The following BRINP3 variants were observed in gnomAD, a reference collection of about 807,000 sequenced individuals.
The protein encoded by BRINP3 is BMP/retinoic acid inducible neural specific 3, also known as BMP/retinoic acid-inducible neural-specific protein 3.
BRINP3 carries 19 observed loss-of-function variants against 71.0 expected under a neutral mutation model. The observed-to-expected ratio is 0.27, with a 90% CI of 0.19 to 0.39. The LOEUF is 0.39. Ranked by LOEUF, BRINP3 falls within the 10% of genes least tolerant of loss-of-function variation. BRINP3 has a pLI of 1.00. For synonymous variants in BRINP3, 380 were observed against 337.7 expected (o/e 1.13, Z -1.37); for missense variants, 959 against 940.8 (o/e 1.02, Z -0.25).
chr1:190,302,079 A>G (rs1664779250), intron 2 of BRINP3, among the ~76,000 whole-genome samples: 1 of 151,262 alleles, frequency 6.6e-6, no homozygotes, highest in African/African-American at 2.4e-5. Flanking sequence ...AACTCCACAG[A>G]TGCACAGCCT....
intron 2 of BRINP3, among the ~76,000 whole-genome samples, chr1:190,320,577 G>A (rs1453780488): frequency 1.3e-5 from 2 of 151,852 alleles, no homozygotes; most frequent in East Asian, 1.9e-4. Flanking sequence ...TTAGGGTGGT[G>A]GGTGGCCAGA....
intron 6 of BRINP3, among the ~76,000 whole-genome samples, chr1:190,169,454 T>C (rs1225683749): frequency 6.6e-6 from 1 of 152,198 alleles, no homozygotes; most frequent in African/African-American, 2.4e-5. Flanking sequence ...GCATAGCATC[T>C]GAGCCAGCAT....
In BRINP3 at chr1:190,264,955, C is replaced by T. The variant is rs141418514; in HGVS notation, c.528G>A (p.Thr176=). 2.0e-5 allele frequency: 33 copies of T among 1,613,376 alleles called. No individual in the cohort carries two copies. The Admixed American group carries it at 2.2e-4, about 11-fold the overall frequency. The stretch of plus-strand genomic sequence containing the variant: ...AATAAGAAGCGGCTAGCTGATGTAG[C>T]GTCTCCAGAGTGACCGAAGAGCTAT... ...TTNSSSVTLE[T]LHQLAASYFI... The change falls in exon 4 of 8, where the codon ACG becomes ACA. Residue 176 remains threonine, a synonymous_variant. Coordinates refer to ENST00000367462, the MANE Select transcript of BRINP3 (RefSeq NM_199051.3).
At chr1:190,131,569 T>A (rs16832069) in intron 7 of BRINP3, among the ~76,000 whole-genome samples, 5,461 of 152,156 alleles carry the variant, frequency 0.036, 326 homozygotes, top group African/African-American at 0.12. Flanking sequence ...GCCCGTCTTC[T>A]GTGAAAAACT....
intron 2 of BRINP3, among the ~76,000 whole-genome samples, chr1:190,437,676 T>C (rs1023424426): frequency 1.3e-5 from 2 of 151,812 alleles, no homozygotes; most frequent in African/African-American, 2.4e-5. Context: ...AAAGTAAATA[T>C]TCAACAATTT....
chr1:190,200,065 C>T (rs1571341471), intron 6 of BRINP3, among the ~76,000 whole-genome samples: 1 of 152,036 alleles, frequency 6.6e-6, no homozygotes, highest in African/African-American at 2.4e-5. Context: ...TTTTCAGAAG[C>T]TTTTCCTTAT....
chr1:190,168,243 G>A (rs913350622), intron 6 of BRINP3, among the ~76,000 whole-genome samples: 1 of 151,974 alleles, frequency 6.6e-6, no homozygotes, highest in Non-Finnish European at 1.5e-5. Context: ...CAAGACATAG[G>A]TCTGGCAACA....
intron 4 of BRINP3, among the ~76,000 whole-genome samples, chr1:190,246,404 G>C (rs1445732907): frequency 3.9e-5 from 1 of 25,752 alleles, no homozygotes. Flanking sequence ...GGGGTCATTC[G>C]GTTATAAAAC....
At chr1:190,431,966 T>C (rs915059923) in intron 2 of BRINP3, among the ~76,000 whole-genome samples, 1 of 152,160 alleles carries the variant, frequency 6.6e-6, no homozygotes, top group Non-Finnish European at 1.5e-5. Context: ...AATGTACATT[T>C]ATTTCACTCC....
intron 7 of BRINP3, among the ~76,000 whole-genome samples, chr1:190,159,777 A>G (rs746195330): frequency 7.2e-5 from 11 of 151,962 alleles, no homozygotes; most frequent in Admixed American, 1.3e-4. Context: ...TGATGGTTGC[A>G]TAGTTTTTTT....
intron 6 of BRINP3, among the ~76,000 whole-genome samples, chr1:190,212,335 C>A (rs1256154738): frequency 6.6e-6 from 1 of 152,012 alleles, no homozygotes; most frequent in Admixed American, 6.6e-5. Flanking sequence ...ACAATGCTTC[C>A]TTCTAGTAAA....
chr1:190,337,900 T>C (rs1667396471), intron 2 of BRINP3, among the ~76,000 whole-genome samples: 1 of 152,076 alleles, frequency 6.6e-6, no homozygotes, highest in African/African-American at 2.4e-5. Flanking sequence ...TTCTGTGTTT[T>C]TTAAACTATG....
chr1:190,280,461 A>AG (rs1422094172), intron 3 of BRINP3, among the ~76,000 whole-genome samples: 1 of 151,790 alleles, frequency 6.6e-6, no homozygotes. Context: ...TGAGTATTGT[A>AG]GGAAAAAAAA....
chr1:190,160,390 T>G (rs1657242182), intron 7 of BRINP3, among the ~76,000 whole-genome samples: 1 of 152,064 alleles, frequency 6.6e-6, no homozygotes, highest in Admixed American at 6.6e-5. Flanking sequence ...AATGCAATTA[T>G]TAGTTGGCTA....
At chr1:190,456,180 C>A (rs1675972121) in intron 1 of BRINP3, among the ~76,000 whole-genome samples, 3 of 152,096 alleles carry the variant, frequency 2.0e-5, no homozygotes, top group Non-Finnish European at 4.4e-5. Context: ...GCTATAACCC[C>A]ATTATTTGTA....
intron 2 of BRINP3, among the ~76,000 whole-genome samples, chr1:190,439,663 A>G (rs767859037): frequency 1.1e-4 from 16 of 151,938 alleles, no homozygotes; most frequent in Non-Finnish European, 1.8e-4. Flanking sequence ...CCTAAACAGT[A>G]AAGCTGAAAC....
At chr1:190,183,343 G>A (rs1008337832) in intron 6 of BRINP3, among the ~76,000 whole-genome samples, 1 of 151,718 alleles carries the variant, frequency 6.6e-6, no homozygotes, top group Non-Finnish European at 1.5e-5. Context: ...ATTAAATTTG[G>A]GAATTTAAAA....
intron 2 of BRINP3, among the ~76,000 whole-genome samples, chr1:190,366,290 G>A (rs1669495447): frequency 6.6e-6 from 1 of 152,046 alleles, no homozygotes; most frequent in Admixed American, 6.6e-5. Flanking sequence ...TTCACAAGGT[G>A]GCAGCAAAGA....
intron 4 of BRINP3, among the ~76,000 whole-genome samples, chr1:190,241,153 A>T (rs1014182710): frequency 6.6e-6 from 1 of 152,100 alleles, no homozygotes; most frequent in African/African-American, 2.4e-5. Flanking sequence ...ATTTATTACA[A>T]AAGAAAATTT....
Sources: gnomAD v4.1 joint callset for allele counts (sites outside exome capture counted in the v4.1 genomes callset) on GRCh38, gnomAD v4.1.1 for gene constraint, MANE v1.5 for transcripts, NCBI Gene and HGNC (gene_info 2026-07-23, HGNC 2026-07-21) for gene names.